The following MAGI2 variants were observed in gnomAD, a reference collection of about 807,000 sequenced individuals.
The protein encoded by MAGI2 is membrane-associated guanylate kinase, WW and PDZ domain-containing protein 2.
In MAGI2, 35 loss-of-function variants were observed where a neutral mutation model predicts 133.3. That is an observed-to-expected ratio of 0.26 (90% confidence interval 0.20 to 0.35). The LOEUF is 0.35. Ranked by LOEUF, MAGI2 falls within the 10% of genes least tolerant of loss-of-function variation. MAGI2 has a pLI of 1.00. For missense variants in MAGI2, 1,636 were observed against 1,863.4 expected (o/e 0.88, Z 2.25); for synonymous variants, 729 against 710.6 (o/e 1.03, Z -0.41).
intron 1 of MAGI2, chr7:79,012,226 T>C (rs1281628679): frequency 2.0e-5 from 3 of 152,132 alleles, no homozygotes; most frequent in Non-Finnish European, 4.4e-5. Flanking sequence ...CTGGCCAGCT[T>C]CTCCAACTTT....
intron 1 of MAGI2, among the ~76,000 whole-genome samples, chr7:79,290,314 T>G (rs1160747414): frequency 6.6e-6 from 1 of 151,890 alleles, no homozygotes; most frequent in African/African-American, 2.4e-5. Flanking sequence ...TCGATCACTT[T>G]TGCTATCTTA....
chr7:78,578,376 C>T (rs912258605), intron 3 of MAGI2, among the ~76,000 whole-genome samples: 2 of 151,796 alleles, frequency 1.3e-5, no homozygotes, highest in East Asian at 1.9e-4. Context: ...AAATGGAAAC[C>T]AATGTAAACC....
Position 78,747,760 on chromosome 7 carries a change from G to A in MAGI2, c.419-120521C>T, listed in dbSNP as rs1297814612. Among the ~76,000 whole-genome samples, 7 of 152,228 alleles carry A rather than the reference G, an allele frequency of 4.6e-5. No individual in the cohort carries two copies. The East Asian group carries it at 1.4e-3, about 29-fold the overall frequency. On this transcript the variant is annotated intron_variant, in intron 2 of 21. Transcript: ENST00000354212. ...ACTGAGTGAGGTTGGGCACAGAACT[G>A]AAGAAAACAAGCATGAATATGTGTC... is the stretch of plus-strand genomic sequence containing the variant.
chr7:78,483,964 G>T (rs1476294836), intron 6 of MAGI2, among the ~76,000 whole-genome samples: 1 of 151,818 alleles, frequency 6.6e-6, no homozygotes, highest in Non-Finnish European at 1.5e-5. Flanking sequence ...ATCTTAGCAG[G>T]TTTATCAGAT....
intron 9 of MAGI2, among the ~76,000 whole-genome samples, chr7:78,290,599 G>C (rs1282234038): frequency 6.6e-6 from 1 of 152,154 alleles, no homozygotes; most frequent in Non-Finnish European, 1.5e-5. Context: ...AGACCTAATA[G>C]ACATCTACAG....
intron 1 of MAGI2, among the ~76,000 whole-genome samples, chr7:79,273,388 C>T (rs1835015643): frequency 6.6e-6 from 1 of 152,040 alleles, no homozygotes; most frequent in African/African-American, 2.4e-5. Flanking sequence ...ACAATTTTCT[C>T]AGCCCAGAGA....
intron 14 of MAGI2, among the ~76,000 whole-genome samples, chr7:78,174,026 T>C (rs546089031): frequency 3.4e-4 from 52 of 152,316 alleles, no homozygotes; most frequent in African/African-American, 1.2e-3. Flanking sequence ...CAGGACGCTA[T>C]CTCTGTTTCT....
At chr7:79,343,481 TGAA>T (rs1841061129) in intron 1 of MAGI2, 2 of 152,042 alleles carry the variant, frequency 1.3e-5, no homozygotes, top group Admixed American at 6.6e-5. Context: ...TGGAGGAATA[TGAA>T]GGAGGAAGAA....
intron 1 of MAGI2, among the ~76,000 whole-genome samples, chr7:79,301,680 G>A (rs1302569878): frequency 1.3e-5 from 2 of 152,202 alleles, no homozygotes; most frequent in Non-Finnish European, 2.9e-5. Context: ...GGGAGGGAAT[G>A]ATTGTATTTT....
At position 78,535,960 on chromosome 7, in the gene MAGI2, C is replaced by T. The variant is rs553432197; in HGVS notation, c.539-14315G>A. Among the ~76,000 whole-genome samples the T allele has an allele frequency of 5.9e-5, 9 of 151,396 alleles. No homozygotes were observed. The East Asian group carries it at 9.7e-4, about 16-fold the overall frequency. ...CAACTCCCTGTGATTTATCTTCCGC[C>T]GGACCAATCAGCACTCCCTACTTTC... is the stretch of plus-strand genomic sequence containing the variant. On this transcript the variant is annotated intron_variant, in intron 3 of 21. Coordinates refer to ENST00000354212, the MANE Select transcript of MAGI2 (RefSeq NM_012301.4).
At chr7:78,564,749 A>C (rs947468013) in intron 3 of MAGI2, among the ~76,000 whole-genome samples, 8 of 144,258 alleles carry the variant, frequency 5.5e-5, no homozygotes, top group South Asian at 2.3e-4. Flanking sequence ...TGTTCAGTCC[A>C]GGGCAAGTTA....
At chr7:79,214,181 G>A (rs1405911020) in intron 1 of MAGI2, among the ~76,000 whole-genome samples, 3 of 151,314 alleles carry the variant, frequency 2.0e-5, no homozygotes. Flanking sequence ...TTTCATGGTA[G>A]TAGATTACCC....
intron 16 of MAGI2, among the ~76,000 whole-genome samples, chr7:78,151,327 A>C (rs1332009015): frequency 6.6e-6 from 1 of 152,140 alleles, no homozygotes; most frequent in Non-Finnish European, 1.5e-5. Context: ...TGAATAAATA[A>C]TCTGAAGTAA....
intron 21 of MAGI2, among the ~76,000 whole-genome samples, chr7:78,076,799 T>C (rs897182891): frequency 1.5e-5 from 2 of 132,758 alleles, no homozygotes; most frequent in Non-Finnish European, 3.0e-5. Context: ...TGAGCCGAGA[T>C]TGCGCCACTG....
intron 1 of MAGI2, among the ~76,000 whole-genome samples, chr7:79,370,619 T>C (rs943817282): frequency 1.3e-5 from 2 of 150,884 alleles, no homozygotes; most frequent in Non-Finnish European, 1.5e-5. Flanking sequence ...AAGAACTAAA[T>C]TGCTCACTTT....
chr7:79,047,452 T>A (rs576341559), intron 1 of MAGI2, among the ~76,000 whole-genome samples: 1 of 152,270 alleles, frequency 6.6e-6, no homozygotes, highest in African/African-American at 2.4e-5. Flanking sequence ...TTTATTGACC[T>A]ACTATTATGG....
intron 1 of MAGI2, among the ~76,000 whole-genome samples, chr7:79,429,305 T>C (rs896102679): frequency 6.7e-6 from 1 of 150,222 alleles, no homozygotes; most frequent in Non-Finnish European, 1.5e-5. Context: ...AATTTCTACT[T>C]TTTTTTTTGT....
At chr7:78,298,499 T>C (rs116544405) in intron 9 of MAGI2, among the ~76,000 whole-genome samples, 42 of 152,342 alleles carry the variant, frequency 2.8e-4, no homozygotes, top group African/African-American at 9.1e-4. Context: ...AATTTTTCTA[T>C]AAATCCAAAA....
intron 1 of MAGI2, among the ~76,000 whole-genome samples, chr7:79,132,714 G>A (rs958486960): frequency 6.6e-6 from 1 of 152,082 alleles, no homozygotes. Flanking sequence ...TGAGGTAAAA[G>A]TTTAAACTGT....
Sources: allele counts gnomAD v4.1 joint callset (sites outside exome capture counted in the v4.1 genomes callset), GRCh38; gene constraint gnomAD v4.1.1; transcripts MANE v1.5; gene names NCBI Gene and HGNC (gene_info 2026-07-23, HGNC 2026-07-21).